NUDCD1: variants seen among roughly 807,000 people sequenced by gnomAD.
NUDCD1 encodes nudC domain-containing protein 1.
In NUDCD1, 60 loss-of-function variants were observed where a neutral mutation model predicts 67.8. The observed-to-expected ratio is 0.88, with a 90% confidence interval of 0.72 to 1.10. NUDCD1 has a LOEUF of 1.10. Among genes scored for constraint, NUDCD1 ranks in the 50% least tolerant of loss-of-function variants. The pLI is 0.00. For missense variants in NUDCD1, 643 were observed against 695.0 expected, an observed-to-expected ratio of 0.93 and a Z score of 0.84; for synonymous variants, 244 against 230.8, an observed-to-expected ratio of 1.06 and a Z score of -0.52.
chr8:109,281,269 T>A, intron 5 of NUDCD1, 97 bp from the exon 6 acceptor site: 2 of 700,270 alleles, frequency 2.9e-6, no homozygotes, highest in Admixed American at 2.6e-5. Flanking sequence ...TATTTACTAG[T>A]GATCATCTCA....
rs951356752 is a variant in NUDCD1, at chr8:109,249,739, C to A, written c.1300-4258G>T. Among the ~76,000 whole-genome samples, 3 of 151,766 alleles carry A rather than the reference C, an allele frequency of 2.0e-5. No homozygotes were observed. In the East Asian group the frequency reaches 5.8e-4, roughly 29 times the overall value. ...AACCAAGTACCTTAAAGTTTAAAATCCAAAGTAAACAAACTAGTCAATTTT... is the reference window on the plus strand; with the variant it reads ...AACCAAGTACCTTAAAGTTTAAAATACAAAGTAAACAAACTAGTCAATTTT... On this transcript the variant is annotated intron_variant, in intron 8 of 9. Transcript: ENST00000239690.
At chr8:109,262,150 G>A (rs1052389816) in intron 8 of NUDCD1, among the ~76,000 whole-genome samples, 1 of 152,198 alleles carries the variant, frequency 6.6e-6, no homozygotes, top group Non-Finnish European at 1.5e-5. Flanking sequence ...GTTTTACTTC[G>A]TATTGTTTTA....
intron 8 of NUDCD1, among the ~76,000 whole-genome samples, chr8:109,266,132 A>G (rs528758107): frequency 1.4e-4 from 19 of 135,110 alleles, no homozygotes; most frequent in Admixed American, 1.3e-3. Flanking sequence ...GCATTAAAAG[A>G]AACTGGATAA....
At chr8:109,329,783 G>T in intron 1 of NUDCD1, 1 of 1,544,060 alleles carries the variant, frequency 6.5e-7, no homozygotes, top group South Asian at 1.2e-5. Flanking sequence ...TAATTTGTGA[G>T]ACAAATTTAT....
At chr8:109,270,526 G>T (rs1303318070) in intron 8 of NUDCD1, among the ~76,000 whole-genome samples, 1 of 151,936 alleles carries the variant, frequency 6.6e-6, no homozygotes, top group African/African-American at 2.4e-5. Context: ...AATATCCCTG[G>T]AAATAGAAAA....
chr8:109,242,034 A>C lies in NUDCD1; in HGVS notation c.*975T>G. On this transcript the variant is annotated 3_prime_UTR_variant, in exon 10 of 10. Coordinates refer to ENST00000239690, the MANE Select transcript of NUDCD1 (RefSeq NM_032869.4). ...TTTTGTTGAAGTTGTTAGAAAAATA[A>C]AGAGAGCCACAAGGATAAATTATAA... The C allele has an allele frequency of 2.5e-6, 1 of 397,950 alleles. No homozygotes were observed. The allele number at this position is 397,950 out of a possible 1,614,324, so 24.7% of individuals were successfully genotyped here. A position where few individuals can be genotyped will look rare whatever the true frequency, so the allele number is the denominator to read the frequency against.
At chr8:109,254,459 G>C (rs923783974) in intron 8 of NUDCD1, among the ~76,000 whole-genome samples, 3 of 152,034 alleles carry the variant, frequency 2.0e-5, no homozygotes, top group African/African-American at 7.2e-5. Context: ...TACTCATTTG[G>C]AAAATTCATT....
chr8:109,278,433 T>C (rs1170671768), intron 6 of NUDCD1, among the ~76,000 whole-genome samples: 1 of 152,204 alleles, frequency 6.6e-6, no homozygotes. Context: ...GTGTAATTTA[T>C]AAATAAAATT....
In NUDCD1 at chr8:109,322,443, G is replaced by C. The variant is rs143231652; in HGVS notation, c.139C>G (p.Arg47Gly). The change falls in exon 2 of 10, where the codon CGA becomes GGA. Residue 47 changes from arginine (R) to glycine (G), a missense_variant. Physicochemically the swap from Arg to Gly is moderately radical, Grantham distance 125 (BLOSUM62 -2). Transcript: ENST00000239690. ...LDAAVAEVKL[R>G]DDQYTLEHMH... ...TGTTCCAGTGTATATTGATCATCTC[G>C]AAGTTTTACCTCTGCCACAGCTGAA... 6 of 1,589,148 alleles carry C rather than the reference G, an allele frequency of 3.8e-6. No individual in the cohort carries two copies. Among genetic ancestry groups the C allele is most frequent in the Non-Finnish European group, 4.3e-6 (5 of 1,163,448 alleles).
At position 109,243,187 on chromosome 8, in the gene NUDCD1, G is replaced by T. The variant is rs549854136; in HGVS notation, c.1574C>A (p.Pro525His). ...RRVFIYRQPA[P>H]MSTVLYNRKE... ...TCTGTTGTAAAGTACAGTGGACATGGGAGCAGGCTGACGATAGATGAATAC... is the reference window on the plus strand; with the variant it reads ...TCTGTTGTAAAGTACAGTGGACATGTGAGCAGGCTGACGATAGATGAATAC... The change falls in exon 10 of 10, where the codon CCC becomes CAC. Residue 525 changes from proline (P) to histidine (H), a missense_variant. Pro to His is a moderately conservative substitution (Grantham distance 77). Coordinates refer to ENST00000239690, the MANE Select transcript of NUDCD1 (RefSeq NM_032869.4). The T allele has an allele frequency of 2.0e-5, 32 of 1,613,786 alleles. No homozygotes were observed. Among genetic ancestry groups the T allele is most frequent in the Middle Eastern group, 3.3e-4 (2 of 6,058 alleles).
At chr8:109,323,028 T>G (rs1478733180) in intron 1 of NUDCD1, among the ~76,000 whole-genome samples, 1 of 152,176 alleles carries the variant, frequency 6.6e-6, no homozygotes, top group Non-Finnish European at 1.5e-5. Flanking sequence ...AAACAAGATC[T>G]CCTACTTACA....
intron 4 of NUDCD1, among the ~76,000 whole-genome samples, chr8:109,291,300 G>A (rs1814705728): frequency 6.6e-6 from 1 of 152,096 alleles, no homozygotes; most frequent in Admixed American, 6.6e-5. Flanking sequence ...ACAACACCAT[G>A]CCGAGCTAAT....
chr8:109,250,057 A>T (rs1487695517), intron 8 of NUDCD1, among the ~76,000 whole-genome samples: 1 of 151,916 alleles, frequency 6.6e-6, no homozygotes, highest in East Asian at 1.9e-4. Context: ...TATGTTGCCC[A>T]GGCTGGTCTT....
chr8:109,334,037 T>C lies in NUDCD1; in HGVS notation c.-27A>G. 6.2e-7 allele frequency: 1 copy of C among 1,613,888 alleles called. No homozygotes were observed. Among genetic ancestry groups the C allele is most frequent in the Non-Finnish European group, 8.5e-7 (1 of 1,179,906 alleles). On this transcript the variant is annotated 5_prime_UTR_variant, in exon 1 of 10. Transcript: ENST00000239690. ...GCTTTCCAGGGCCGCAGCGTGAGAA[T>C]TAATAAAGCCCTTGTTGAAAGGTCC...
intron 1 of NUDCD1, among the ~76,000 whole-genome samples, chr8:109,326,969 A>T (rs2130147436): frequency 6.6e-6 from 1 of 152,344 alleles, no homozygotes; most frequent in Non-Finnish European, 1.5e-5. Flanking sequence ...GCCAATATTT[A>T]ACTCTTTGAC....
intron 8 of NUDCD1, among the ~76,000 whole-genome samples, chr8:109,266,550 A>C (rs1429948566): frequency 1.3e-5 from 2 of 151,890 alleles, no homozygotes; most frequent in Non-Finnish European, 2.9e-5. Context: ...GGCTATTTGT[A>C]ATATTTTATG....
rs1815565341 is a variant in NUDCD1 at position 109,322,464 on chromosome 8, C to T, written c.119-1G>A. ...TCTCGAAGTTTTACCTCTGCCACAG[C>T]TGAAATACAAGAAAAGCAAACATAA... On this transcript the variant is annotated splice_acceptor_variant, in intron 1 of 9. Transcript: ENST00000239690. LOFTEE classifies it high-confidence loss of function. 1 of 1,577,726 alleles carries T rather than the reference C, an allele frequency of 6.3e-7. No homozygotes were observed. The highest frequency in any genetic ancestry group is 1.3e-5 in the African/African-American group (1 of 74,280).
intron 8 of NUDCD1, among the ~76,000 whole-genome samples, chr8:109,249,822 G>C (rs985565967): frequency 2.0e-5 from 3 of 150,458 alleles, no homozygotes; most frequent in African/African-American, 7.3e-5. Context: ...ATTAAAAAAT[G>C]AGATATATAA....
At position 109,322,464 on chromosome 8, in the gene NUDCD1, C is replaced by A; in HGVS notation, c.119-1G>T. ...TCTCGAAGTTTTACCTCTGCCACAG[C>A]TGAAATACAAGAAAAGCAAACATAA... On this transcript the variant is annotated splice_acceptor_variant, in intron 1 of 9. Coordinates refer to ENST00000239690, the MANE Select transcript of NUDCD1 (RefSeq NM_032869.4). LOFTEE classifies it high-confidence loss of function. The A allele has an allele frequency of 6.3e-7, 1 of 1,577,844 alleles. No homozygotes were observed. The highest frequency in any genetic ancestry group is 8.7e-7 in the Non-Finnish European group (1 of 1,154,620).
Sources: gnomAD v4.1 joint callset for allele counts (sites outside exome capture counted in the v4.1 genomes callset) on GRCh38, gnomAD v4.1.1 for gene constraint, MANE v1.5 for transcripts, NCBI Gene and HGNC (gene_info 2026-07-23, HGNC 2026-07-21) for gene names.